Variants in CDC73 observed in about 807,000 individuals in gnomAD.
CDC73 encodes parafibromin.
In CDC73, 21 loss-of-function variants were observed where a neutral mutation model predicts 83.7. The observed-to-expected ratio is 0.25, with a 90% CI of 0.18 to 0.36. The LOEUF (loss-of-function observed/expected upper bound fraction) is 0.36, where lower values mean the gene tolerates loss of function less well. CDC73 is among the 10% of genes least tolerant of loss of function. CDC73 has a pLI of 1.00. For synonymous variants in CDC73, 224 were observed against 212.9 expected, an observed-to-expected ratio of 1.05 and a Z score of -0.45; for missense variants, 342 against 653.3, an observed-to-expected ratio of 0.52 and a Z score of 5.19.
chr1:193,207,985 CTG>C (rs1677218016), intron 11 of CDC73, among the ~76,000 whole-genome samples: 1 of 152,154 alleles, frequency 6.6e-6, no homozygotes, highest in African/African-American at 2.4e-5. Flanking sequence ...TATTAACTGT[CTG>C]TGTAACATTT....
intron 3 of CDC73, among the ~76,000 whole-genome samples, chr1:193,132,925 G>A (rs1675721641): frequency 7.0e-6 from 1 of 142,432 alleles, no homozygotes. Context: ...TTTTGAGAAG[G>A]AATCTTGCTC....
chr1:193,216,541 T>A (rs1311872150), intron 13 of CDC73, among the ~76,000 whole-genome samples: 1 of 152,026 alleles, frequency 6.6e-6, no homozygotes, highest in Non-Finnish European at 1.5e-5. Flanking sequence ...GTACCAGTCC[T>A]ACTGAAATCG....
chr1:193,211,462 G>A (rs921931021), intron 11 of CDC73, among the ~76,000 whole-genome samples: 1 of 152,074 alleles, frequency 6.6e-6, no homozygotes, highest in Admixed American at 6.5e-5. Flanking sequence ...TGTCTACTTA[G>A]TAGTAGAGAT....
chr1:193,229,320 A>G (rs1417257075), intron 13 of CDC73, among the ~76,000 whole-genome samples: 2 of 152,250 alleles, frequency 1.3e-5, no homozygotes, highest in African/African-American at 4.8e-5. Context: ...ACCCTGCTGT[A>G]TACTGAACAT....
chr1:193,223,517 G>A (rs1363221728), intron 13 of CDC73, among the ~76,000 whole-genome samples: 2 of 152,100 alleles, frequency 1.3e-5, no homozygotes, highest in Non-Finnish European at 2.9e-5. Context: ...TCAAAATAAG[G>A]GTAGGGTTAG....
At chr1:193,220,869 A>C (rs1677457861) in intron 13 of CDC73, among the ~76,000 whole-genome samples, 1 of 152,218 alleles carries the variant, frequency 6.6e-6, no homozygotes, top group Non-Finnish European at 1.5e-5. Context: ...AATATAACAG[A>C]AACTGTCAGA....
At chr1:193,180,750 C>T (rs1407874173) in intron 10 of CDC73, 4 of 1,614,002 alleles carry the variant, frequency 2.5e-6, no homozygotes, top group Admixed American at 1.7e-5. Flanking sequence ...GTCTGGGAGG[C>T]AGATCTGGCT....
intron 15 of CDC73, among the ~76,000 whole-genome samples, chr1:193,242,853 A>G (rs887448364): frequency 5.3e-5 from 8 of 152,184 alleles, no homozygotes; most frequent in East Asian, 3.8e-4. Context: ...AAAACAAGCA[A>G]TTCTGAGTTG....
At chr1:193,139,615 G>T (rs990809143) in intron 6 of CDC73, among the ~76,000 whole-genome samples, 1 of 152,098 alleles carries the variant, frequency 6.6e-6, no homozygotes, top group African/African-American at 2.4e-5. Context: ...TACATATCAT[G>T]TGATCTTTGC....
At chr1:193,209,575 G>A (rs547556109) in intron 11 of CDC73, among the ~76,000 whole-genome samples, 8 of 152,052 alleles carry the variant, frequency 5.3e-5, no homozygotes, top group South Asian at 2.1e-4. Context: ...CCCCTCCCCC[G>A]TTAAGATCAA....
rs1279288281 is a variant in CDC73, at chr1:193,202,647, T to TAAAA, written c.973-1148_973-1147insAAAA. On this transcript the variant is annotated intron_variant, in intron 10 of 16. Transcript: ENST00000367435. ...TTTTTTTTTTCCTTCTTGGAGTTTTTGCTACCTACCTGCTCCTGCGGCTGT... is the reference window on the plus strand; with the variant it reads ...TTTTTTTTTTCCTTCTTGGAGTTTTTAAAAGCTACCTACCTGCTCCTGCGGCTGT... Among the ~76,000 whole-genome samples, 3 of 151,518 alleles carry TAAAA rather than the reference T, an allele frequency of 2.0e-5. No individual in the cohort carries two copies. The East Asian group carries it at 5.8e-4, about 29-fold the overall frequency.
At chr1:193,207,266 A>G (rs1262684410) in intron 11 of CDC73, among the ~76,000 whole-genome samples, 2 of 152,178 alleles carry the variant, frequency 1.3e-5, no homozygotes, top group Non-Finnish European at 2.9e-5. Flanking sequence ...CATGCTTCAA[A>G]GGGCAATAAA....
At chr1:193,214,018 T>A (rs1170075418) in intron 13 of CDC73, among the ~76,000 whole-genome samples, 3 of 152,202 alleles carry the variant, frequency 2.0e-5, no homozygotes, top group Non-Finnish European at 4.4e-5. Context: ...TCCCCGACAT[T>A]TGATTGGAAA....
At chr1:193,150,174 G>C in intron 8 of CDC73, 130 bp from the exon 9 acceptor site, 1 of 691,932 alleles carries the variant, frequency 1.4e-6, no homozygotes, top group East Asian at 2.8e-5. Flanking sequence ...GGAAGGCTGA[G>C]GTGGGAGGAT....
chr1:193,194,163 A>C (rs1488215104), intron 10 of CDC73, among the ~76,000 whole-genome samples: 1 of 152,186 alleles, frequency 6.6e-6, no homozygotes, highest in Non-Finnish European at 1.5e-5. Flanking sequence ...CTTCAAACTT[A>C]AATCAGTTAA....
At chr1:193,208,185 G>A (rs1677220993) in intron 11 of CDC73, among the ~76,000 whole-genome samples, 1 of 152,148 alleles carries the variant, frequency 6.6e-6, no homozygotes, top group South Asian at 2.1e-4. Context: ...CTGTTGGTGG[G>A]TTCTGTCAGA....
chr1:193,177,612 C>T (rs538372488), intron 10 of CDC73, among the ~76,000 whole-genome samples: 1 of 151,680 alleles, frequency 6.6e-6, no homozygotes, highest in South Asian at 2.1e-4. Context: ...TATTTAACCT[C>T]TTACACGAGT....
intron 13 of CDC73, among the ~76,000 whole-genome samples, chr1:193,230,415 G>A (rs540084431): frequency 1.0e-4 from 15 of 148,976 alleles, no homozygotes; most frequent in African/African-American, 3.7e-4. Context: ...CCAAAGTGCT[G>A]GGATTACAGG....
chr1:193,127,142 C>T (rs1216225489), intron 2 of CDC73, among the ~76,000 whole-genome samples: 7 of 151,912 alleles, frequency 4.6e-5, no homozygotes, highest in Non-Finnish European at 8.8e-5. Context: ...TGGTAGTGTG[C>T]ACCTATACTC....
Sources: allele counts gnomAD v4.1 joint callset (sites outside exome capture counted in the v4.1 genomes callset), GRCh38; gene constraint gnomAD v4.1.1; transcripts MANE v1.5; gene names NCBI Gene and HGNC (gene_info 2026-07-23, HGNC 2026-07-21).